The following RBM10 variants were observed in gnomAD, a reference collection of about 807,000 sequenced individuals.
The protein encoded by RBM10 is RNA binding motif protein 10.
Under a neutral mutation model 84.9 loss-of-function variants are expected in RBM10, and 1 was observed. The observed-to-expected ratio is 0.01, with a 90% CI of 0.00 to 0.06. The LOEUF is 0.06. RBM10 is among the 10% of genes least tolerant of loss of function. The pLI, the probability that RBM10 is intolerant of heterozygous loss-of-function variation, is 1.00. For missense variants in RBM10, 438 were observed against 839.0 expected (o/e 0.52, Z 5.90); for synonymous variants, 326 against 344.5 (o/e 0.95, Z 0.60).
At chrX:47,181,158 C>CTT in intron 12 of RBM10, 57 bp from the exon 13 acceptor site, 1 of 90,227 alleles carries the variant, frequency 1.1e-5, no homozygotes, top group Non-Finnish European at 2.1e-5. Context: ...AGCAGGTTCC[C>CTT]CACCCCCCAC....
intron 7 of RBM10, among the ~76,000 whole-genome samples, chrX:47,177,923 C>T (rs1935255529): frequency 8.9e-6 from 1 of 111,872 alleles, no homozygotes. Context: ...AGCCCAAAAC[C>T]AGGGAATTCT....
chrX:47,165,439 C>T (rs1211122666), intron 2 of RBM10, among the ~76,000 whole-genome samples: 1 of 104,214 alleles, frequency 9.6e-6, no homozygotes, highest in Non-Finnish European at 2.0e-5. Flanking sequence ...CGCTTGAACC[C>T]GGGAGGCAGA....
intron 5 of RBM10, among the ~76,000 whole-genome samples, chrX:47,173,399 G>C (rs1461733931): frequency 8.9e-6 from 1 of 112,257 alleles, no homozygotes; most frequent in Non-Finnish European, 1.9e-5. Context: ...CAATGGGGCT[G>C]TCGGGGCAGG....
chrX:47,168,406 G>A (rs1477274590), intron 2 of RBM10, among the ~76,000 whole-genome samples: 1 of 110,920 alleles, frequency 9.0e-6, no homozygotes, highest in Non-Finnish European at 1.9e-5. Context: ...AAATGAGCTG[G>A]GCGTGGTGGT....
At chrX:47,148,240 T>A (rs1216045220) in intron 2 of RBM10, among the ~76,000 whole-genome samples, 1 of 112,594 alleles carries the variant, frequency 8.9e-6, no homozygotes, top group Non-Finnish European at 1.9e-5. Context: ...TTCTGAAAAG[T>A]GAGCCCAAAT....
In RBM10 at chrX:47,152,774, G is replaced by GACACACACACAC. The variant is rs370048928; in HGVS notation, c.17+5307_17+5318dup. ...CCCTATAGCTCTATATCTTTACATA[G>GACACACACACAC]ACACACACACACACACACACACACA... is the stretch of plus-strand genomic sequence containing the variant. On this transcript the variant is annotated intron_variant, in intron 2 of 23. Coordinates refer to ENST00000377604, the MANE Select transcript of RBM10 (RefSeq NM_005676.5). Among the ~76,000 whole-genome samples the GACACACACACAC allele has an allele frequency of 5.2e-4, 42 of 80,362 alleles. 1 individual carries two copies. Among genetic ancestry groups the GACACACACACAC allele is most frequent in the African/African-American group, 1.9e-3 (39 of 20,946 alleles). 69.8% of individuals were successfully genotyped at this position (80,362 alleles called of 115,157 possible).
At chrX:47,148,197 C>A (rs782435876) in intron 2 of RBM10, among the ~76,000 whole-genome samples, 39 of 112,194 alleles carry the variant, frequency 3.5e-4, no homozygotes, top group Admixed American at 2.9e-3. Context: ...TACCACCACT[C>A]CTTTTAAAAA....
intron 2 of RBM10, among the ~76,000 whole-genome samples, chrX:47,148,350 C>T (rs187822133): frequency 7.9e-4 from 88 of 111,536 alleles, no homozygotes; most frequent in African/African-American, 2.8e-3. Context: ...TAGAAGTGCT[C>T]TGTGGCCATT....
At chrX:47,167,419 C>T (rs1556769658) in intron 2 of RBM10, among the ~76,000 whole-genome samples, 6 of 105,169 alleles carry the variant, frequency 5.7e-5, no homozygotes, top group South Asian at 4.4e-4. Context: ...TACTCTGTCA[C>T]CCAGACTGGC....
chrX:47,155,664 C>T (rs1403328629), intron 2 of RBM10, among the ~76,000 whole-genome samples: 4 of 89,203 alleles, frequency 4.5e-5, no homozygotes, highest in Admixed American at 2.7e-4. Context: ...ACCCGGGTGG[C>T]GGAGCTTGCA....
At chrX:47,152,946 A>G (rs1556764094) in intron 2 of RBM10, among the ~76,000 whole-genome samples, 1 of 110,939 alleles carries the variant, frequency 9.0e-6, no homozygotes, top group African/African-American at 3.3e-5. Flanking sequence ...TCCTGCATTC[A>G]AGCGATTCTC....
intron 6 of RBM10, among the ~76,000 whole-genome samples, chrX:47,176,017 G>A (rs1276437027): frequency 4.4e-5 from 5 of 112,985 alleles, no homozygotes; most frequent in African/African-American, 1.6e-4. Flanking sequence ...TGGGAAGACG[G>A]CCTCATGGCA....
chrX:47,157,042 C>T (rs1933210134), intron 2 of RBM10: 1 of 292,865 alleles, frequency 3.4e-6, no homozygotes, highest in South Asian at 3.7e-5. Flanking sequence ...ATGATGATGT[C>T]GGTGCCGAAC....
At position 47,169,422 on chromosome X, in the gene RBM10, G is replaced by A. The variant is rs782070362; in HGVS notation, c.125G>A (p.Arg42His). Reference protein sequence around the residue: ...RDHDYRDMDYRSYPREYGSQE... With the variant: ...RDHDYRDMDYHSYPREYGSQE... ...CACGACTACCGGGACATGGACTACC[G>A]TTCATATCCTCGCGAGTATGGCAGC... Residue 42 changes from arginine (R) to histidine (H), a missense_variant, in exon 3 of 24, where the codon CGT becomes CAT. Around this residue, in one of 8 missense-constraint regions of RBM10, gnomAD observed 92 missense variants for 134.3 expected, o/e 0.69. Transcript: ENST00000377604. 1.7e-6 allele frequency: 2 copies of A among 1,210,488 alleles called. No homozygotes were observed. Among genetic ancestry groups the A allele is most frequent in the East Asian group, 3.0e-5 (1 of 33,753 alleles).
rs1313261590 is a variant in RBM10 at position 47,145,276 on chromosome X, C to T, written c.-335C>T. On this transcript the variant is annotated 5_prime_UTR_variant, in exon 1 of 24. Coordinates refer to ENST00000377604, the MANE Select transcript of RBM10 (RefSeq NM_005676.5). ...CCCTTCTCGTCGTCGCCATTTTGAG[C>T]TGGTGACTGTGGCCGGCTGGGAGTA... 10 of 534,867 alleles carry T rather than the reference C, an allele frequency of 1.9e-5. No homozygotes were observed. The highest frequency in any genetic ancestry group is 1.1e-4 in the African/African-American group (5 of 43,819). 44.1% of individuals were successfully genotyped at this position (534,867 alleles called of 1,213,427 possible).
At chrX:47,180,714 G>A (rs971571171) in intron 12 of RBM10, among the ~76,000 whole-genome samples, 32 of 111,529 alleles carry the variant, frequency 2.9e-4, no homozygotes, top group African/African-American at 9.1e-4. Context: ...CTTCCCAATT[G>A]CCTCCCATGC....
At chrX:47,174,255 C>T (rs569351228) in intron 5 of RBM10, among the ~76,000 whole-genome samples, 18 of 110,340 alleles carry the variant, frequency 1.6e-4, no homozygotes, top group Middle Eastern at 4.7e-3. Context: ...TGGCCCTGGG[C>T]GCTTCTCCCA....
intron 2 of RBM10, among the ~76,000 whole-genome samples, chrX:47,152,441 C>CTTTTTTTTT (rs782688935): frequency 1.7e-4 from 11 of 65,236 alleles, no homozygotes; most frequent in African/African-American, 2.2e-4. Context: ...CACTCTATAT[C>CTTTTTTTTT]TTTTTTTTTT....
In RBM10 at chrX:47,180,048, C is replaced by T. The variant is rs781989469; in HGVS notation, c.1062+8C>T. 1.7e-6 allele frequency: 2 copies of T among 1,209,214 alleles called. No individual in the cohort carries two copies. The highest frequency in any genetic ancestry group is 1.7e-5 in the African/African-American group (1 of 57,210). On this transcript the variant is annotated splice_region_variant and intron_variant, in intron 10 of 23. Transcript: ENST00000377604. ...CAGCTCTCCACCATCGTGGTGAGGG[C>T]GGCACAGTTGGGGGCCGGGCAGCCA...
Sources: gnomAD v4.1 joint callset for allele counts (sites outside exome capture counted in the v4.1 genomes callset) on GRCh38, gnomAD v4.1.1 for gene constraint, gnomAD v4.1.1 regional missense constraint, MANE v1.5 for transcripts, NCBI Gene and HGNC (gene_info 2026-07-23, HGNC 2026-07-21) for gene names.